KCNK9: variants seen among roughly 807,000 people sequenced by gnomAD.
KCNK9 encodes the protein potassium two pore domain channel subfamily K member 9.
KCNK9 carries 1 observed loss-of-function variant against 10.8 expected under a neutral mutation model. The ratio of observed to expected loss-of-function variants is 0.09; its 90% CI spans 0.03 to 0.44. The LOEUF (loss-of-function observed/expected upper bound fraction) is 0.44, where lower values mean the gene tolerates loss of function less well. Among genes scored for constraint, KCNK9 ranks in the 20% least tolerant of loss-of-function variants. KCNK9 has a pLI of 0.97. For synonymous variants in KCNK9, 231 were observed against 222.7 expected, an observed-to-expected ratio of 1.04 and a Z score of -0.33; for missense variants, 303 against 515.0, an observed-to-expected ratio of 0.59 and a Z score of 3.98.
chr8:139,628,346 C>T (rs1815042542), intron 1 of KCNK9, among the ~76,000 whole-genome samples: 1 of 152,242 alleles, frequency 6.6e-6, no homozygotes, highest in African/African-American at 2.4e-5. Flanking sequence ...TGAGTTCAGC[C>T]CTGCCCTGCA....
intron 2 of KCNK9, among the ~76,000 whole-genome samples, chr8:139,606,410 T>C (rs1376914541): frequency 1.3e-5 from 2 of 152,188 alleles, no homozygotes; most frequent in South Asian, 2.1e-4. Flanking sequence ...GACCCACAGA[T>C]ATCCGGTCAA....
Position 139,618,537 on chromosome 8 carries a change from G to A in KCNK9, c.846C>T (p.Ser282=). 6.2e-7 allele frequency: 1 copy of A among 1,613,444 alleles called. No individual in the cohort carries two copies. The highest frequency in any genetic ancestry group is 1.3e-5 in the African/African-American group (1 of 75,062). The change falls in exon 2 of 2, where the codon AGC becomes AGT. Residue 282 remains serine (S), a synonymous_variant. Coordinates refer to ENST00000520439, the MANE Select transcript of KCNK9 (RefSeq NM_001282534.2). This position sits in a 1 kb window ranked among gnomAD's most constrained non-coding sequence, Gnocchi z 7.9. The stretch of plus-strand genomic sequence containing the variant: ...GGACGTCCGCCTTGTACCTGGGCCG[G>A]CTGGGCCGCGGCTCCTCAGGGATGT... ...VIHIPEEPRP[S]RPRYKADVPD...
chr8:139,654,849 G>A (rs1240281072), intron 1 of KCNK9, among the ~76,000 whole-genome samples: 3 of 152,188 alleles, frequency 2.0e-5, no homozygotes, highest in East Asian at 1.9e-4. Context: ...GGCCGCTGGG[G>A]CCAGAGGATG....
At chr8:139,685,811 C>T (rs1331079431) in intron 1 of KCNK9, among the ~76,000 whole-genome samples, 1 of 152,112 alleles carries the variant, frequency 6.6e-6, no homozygotes, top group African/African-American at 2.4e-5. Flanking sequence ...AATGGCATTG[C>T]TGGGTCAAAT....
chr8:139,663,686 A>T (rs1194171153), intron 1 of KCNK9, among the ~76,000 whole-genome samples: 10 of 100,860 alleles, frequency 9.9e-5, no homozygotes, highest in East Asian at 4.0e-4. Context: ...TGTGTGTTAG[A>T]GAGAGAGATA....
chr8:139,638,403 G>C (rs1389070575), intron 1 of KCNK9, among the ~76,000 whole-genome samples: 1 of 152,186 alleles, frequency 6.6e-6, no homozygotes, highest in Non-Finnish European at 1.5e-5. Flanking sequence ...GTGACTATAT[G>C]AATGAACAGG....
chr8:139,666,223 A>G (rs1816296194), intron 1 of KCNK9, among the ~76,000 whole-genome samples: 1 of 152,204 alleles, frequency 6.6e-6, no homozygotes, highest in Non-Finnish European at 1.5e-5. Flanking sequence ...TGCACTGGCC[A>G]GGTGACAAGA....
At chr8:139,654,058 C>T (rs1815946568) in intron 1 of KCNK9, among the ~76,000 whole-genome samples, 2 of 152,256 alleles carry the variant, frequency 1.3e-5, no homozygotes, top group African/African-American at 4.8e-5. Flanking sequence ...CATCCCCTGC[C>T]TAGGGCCTTG....
rs1287663391 is a variant in KCNK9, at chr8:139,693,215, A to C, written c.283+9495T>G. On this transcript the variant is annotated intron_variant, in intron 1 of 1. Coordinates refer to ENST00000520439, the MANE Select transcript of KCNK9 (RefSeq NM_001282534.2). This position sits in a 1 kb window ranked among gnomAD's most constrained non-coding sequence, Gnocchi z 4.1. Reference sequence around the variant, plus strand: ...GCCAGTGACAGCCAAAGTCCATTTCACAAGTAGGCATCTCTTCCTGCCAGA... The same window carrying C: ...GCCAGTGACAGCCAAAGTCCATTTCCCAAGTAGGCATCTCTTCCTGCCAGA... Among the ~76,000 whole-genome samples, 3 of 152,048 alleles carry C rather than the reference A, an allele frequency of 2.0e-5. No individual in the cohort carries two copies. Among genetic ancestry groups the C allele is most frequent in the Non-Finnish European group, 4.4e-5 (3 of 68,014 alleles).
chr8:139,679,527 C>G (rs1476030814), intron 1 of KCNK9, among the ~76,000 whole-genome samples: 3 of 152,246 alleles, frequency 2.0e-5, no homozygotes, highest in Non-Finnish European at 4.4e-5. Context: ...TGGGTGTGCA[C>G]ATCCTTGGAT....
chr8:139,633,825 G>A (rs1233006605), intron 1 of KCNK9, among the ~76,000 whole-genome samples: 2 of 152,202 alleles, frequency 1.3e-5, no homozygotes, highest in Non-Finnish European at 1.5e-5. Context: ...GGCCTGCTGC[G>A]AGCGTGAAGA....
chr8:139,639,516 A>G (rs1815435839), intron 1 of KCNK9, among the ~76,000 whole-genome samples: 1 of 152,190 alleles, frequency 6.6e-6, no homozygotes, highest in African/African-American at 2.4e-5. Flanking sequence ...GAGCCAAGGA[A>G]CTGATGAAGG....
At chr8:139,692,073 C>G (rs1273253912) in intron 1 of KCNK9, among the ~76,000 whole-genome samples, 1 of 152,172 alleles carries the variant, frequency 6.6e-6, no homozygotes, top group Non-Finnish European at 1.5e-5. Flanking sequence ...GGTGGAGCAG[C>G]CACCATGGAA....
intron 1 of KCNK9, among the ~76,000 whole-genome samples, chr8:139,637,086 C>T (rs547711336): frequency 6.6e-6 from 1 of 152,376 alleles, no homozygotes; most frequent in South Asian, 2.1e-4. Context: ...CTTTGGAAAG[C>T]TACAACATAC....
Position 139,671,301 on chromosome 8 carries a change from G to C in KCNK9, c.283+31409C>G, listed in dbSNP as rs1304757465. Among the ~76,000 whole-genome samples, 6 of 152,232 alleles carry C rather than the reference G, an allele frequency of 3.9e-5. No individual in the cohort carries two copies. The East Asian group carries it at 1.2e-3, about 29-fold the overall frequency. Reference sequence around the variant, plus strand: ...TCACTCACTGATGCACCCTCCTAGGGGACACCCTTCTGGAACTCTTGGGCC... The same window carrying C: ...TCACTCACTGATGCACCCTCCTAGGCGACACCCTTCTGGAACTCTTGGGCC... On this transcript the variant is annotated intron_variant, in intron 1 of 1. Transcript: ENST00000520439.
chr8:139,678,674 C>G (rs1045376677), intron 1 of KCNK9, among the ~76,000 whole-genome samples: 1 of 152,272 alleles, frequency 6.6e-6, no homozygotes, highest in African/African-American at 2.4e-5. Flanking sequence ...TCCACAGGTA[C>G]CTTCCTCTTT....
intron 1 of KCNK9, among the ~76,000 whole-genome samples, chr8:139,628,208 C>T (rs745564253): frequency 3.3e-5 from 5 of 152,210 alleles, no homozygotes; most frequent in African/African-American, 9.7e-5. Flanking sequence ...ACAACATACA[C>T]GGCTCTCCAT....
At chr8:139,615,698 C>T (rs1263165630), downstream of KCNK9, 1 of 152,080 alleles carries the variant, frequency 6.6e-6, no homozygotes, top group Non-Finnish European at 1.5e-5. Flanking sequence ...TTACAAGTTG[C>T]CTCAGATACT....
At chr8:139,671,998 G>A (rs999758589) in intron 1 of KCNK9, among the ~76,000 whole-genome samples, 2 of 152,194 alleles carry the variant, frequency 1.3e-5, no homozygotes, top group South Asian at 2.1e-4. Context: ...CGCAGTTCCC[G>A]CCCTGATGAA....
Sources: gnomAD v4.1 joint callset for allele counts (sites outside exome capture counted in the v4.1 genomes callset) on GRCh38, gnomAD v4.1.1 for gene constraint, Gnocchi (gnomAD v3.1) non-coding constraint, MANE v1.5 for transcripts, NCBI Gene and HGNC (gene_info 2026-07-23, HGNC 2026-07-21) for gene names.